Variants in CYB5R4 observed in about 807,000 individuals in gnomAD.
The protein encoded by CYB5R4 is cytochrome b5 reductase 4, also known as N-terminal cytochrome b5 and cytochrome b5 oxidoreductase domain-containing protein.
CYB5R4 carries 55 observed loss-of-function variants against 70.2 expected under a neutral mutation model. That is an observed-to-expected ratio of 0.78 (90% confidence interval 0.63 to 0.98). CYB5R4 has a LOEUF of 0.98. Among genes scored for constraint, CYB5R4 ranks in the 50% least tolerant of loss-of-function variants. The pLI is 0.00. For synonymous variants in CYB5R4, 197 were observed against 199.5 expected (o/e 0.99, Z 0.11); for missense variants, 562 against 612.6 (o/e 0.92, Z 0.87).
At chr6:83,914,771 G>A (rs1392311029) in intron 5 of CYB5R4, among the ~76,000 whole-genome samples, 2 of 151,550 alleles carry the variant, frequency 1.3e-5, no homozygotes, top group Non-Finnish European at 2.9e-5. Context: ...TCCTGACCTC[G>A]TGATCTGCCC....
At chr6:83,908,024 T>A (rs992881748) in intron 3 of CYB5R4, among the ~76,000 whole-genome samples, 4 of 152,220 alleles carry the variant, frequency 2.6e-5, no homozygotes, top group African/African-American at 9.6e-5. Flanking sequence ...AAATGGTAGT[T>A]CTGTTTTTAG....
Position 83,893,676 on chromosome 6 carries a change from A to G in CYB5R4, c.330+54A>G. ...TTCCGGTGGAAGAGTACTCAGATTT[A>G]TCAGTGTGACATTTGTAGAAAGAAA... is the stretch of plus-strand genomic sequence containing the variant. On this transcript the variant is annotated intron_variant, in intron 3 of 15. Coordinates refer to ENST00000369681, the MANE Select transcript of CYB5R4 (RefSeq NM_016230.4). 3.9e-6 allele frequency: 4 copies of G among 1,028,162 alleles called. No individual in the cohort carries two copies. The South Asian group carries it at 4.2e-5, about 11-fold the overall frequency. 63.7% of individuals were successfully genotyped at this position (1,028,162 alleles called of 1,614,324 possible). A position where few individuals can be genotyped will look rare whatever the true frequency, so the allele number is the denominator to read the frequency against.
At chr6:83,877,415 G>A (rs972521052) in intron 2 of CYB5R4, among the ~76,000 whole-genome samples, 3 of 152,008 alleles carry the variant, frequency 2.0e-5, no homozygotes, top group Non-Finnish European at 4.4e-5. Flanking sequence ...AAGACAAAAG[G>A]TTTATTTGAC....
intron 15 of CYB5R4, among the ~76,000 whole-genome samples, chr6:83,959,322 T>G (rs1183138098): frequency 1.3e-5 from 2 of 152,158 alleles, no homozygotes; most frequent in African/African-American, 4.8e-5. Flanking sequence ...GATTTGAACC[T>G]GTGTCTGATC....
At chr6:83,907,808 T>A (rs2099464046) in intron 3 of CYB5R4, among the ~76,000 whole-genome samples, 1 of 152,200 alleles carries the variant, frequency 6.6e-6, no homozygotes, top group Admixed American at 6.5e-5. Flanking sequence ...AGATATAATC[T>A]TGTTCTTTTT....
At chr6:83,882,741 A>G (rs1225703792) in intron 2 of CYB5R4, among the ~76,000 whole-genome samples, 1 of 152,208 alleles carries the variant, frequency 6.6e-6, no homozygotes, top group Non-Finnish European at 1.5e-5. Flanking sequence ...TAATCCCAGC[A>G]GTATGGGAGC....
chr6:83,869,743 A>C (rs2099457277), intron 2 of CYB5R4, among the ~76,000 whole-genome samples: 1 of 151,994 alleles, frequency 6.6e-6, no homozygotes, highest in Admixed American at 6.6e-5. Flanking sequence ...GAATTGCTTG[A>C]ACCCGGGAGT....
chr6:83,880,495 T>A (rs1051486197), intron 2 of CYB5R4, among the ~76,000 whole-genome samples: 2 of 152,196 alleles, frequency 1.3e-5, no homozygotes, highest in African/African-American at 4.8e-5. Flanking sequence ...CTGATTTTTT[T>A]TTTTAAAGAG....
intron 15 of CYB5R4, among the ~76,000 whole-genome samples, chr6:83,956,686 C>T (rs528032819): frequency 2.6e-5 from 4 of 152,190 alleles, no homozygotes; most frequent in African/African-American, 9.6e-5. Context: ...AATTTTCCCC[C>T]ACAAAGGACA....
At chr6:83,878,512 C>T (rs1167970308) in intron 2 of CYB5R4, among the ~76,000 whole-genome samples, 3 of 151,936 alleles carry the variant, frequency 2.0e-5, no homozygotes, top group Non-Finnish European at 4.4e-5. Flanking sequence ...CACGCCTGGC[C>T]AATTTTTGTA....
intron 11 of CYB5R4, 44 bp downstream of exon 11, chr6:83,934,779 A>G (rs1225178291): frequency 1.9e-6 from 3 of 1,550,190 alleles, no homozygotes; most frequent in Non-Finnish European, 1.8e-6. Flanking sequence ...TTCTTTTATA[A>G]GCAGTTCAAA....
At chr6:83,930,098 G>C (rs118044623) in intron 10 of CYB5R4, among the ~76,000 whole-genome samples, 1 of 152,130 alleles carries the variant, frequency 6.6e-6, no homozygotes, top group African/African-American at 2.4e-5. Context: ...TTAAAAAACA[G>C]TATATTACTA....
chr6:83,938,928 G>A lies in CYB5R4; in HGVS notation c.1109-1128G>A, dbSNP rs539624657. ...CGGCTCACTGCAACCTCCGCCTCTC[G>A]GGTTCAAGCGATTCTCCTGCCTCAG... On this transcript the variant is annotated intron_variant, in intron 12 of 15. Coordinates refer to ENST00000369681, the MANE Select transcript of CYB5R4 (RefSeq NM_016230.4). Among the ~76,000 whole-genome samples the A allele has an allele frequency of 7.9e-5, 12 of 151,740 alleles. No individual in the cohort carries two copies. In the South Asian group the frequency reaches 1.3e-3, roughly 16 times the overall value.
At chr6:83,896,369 G>A (rs2099461890) in intron 3 of CYB5R4, among the ~76,000 whole-genome samples, 1 of 152,106 alleles carries the variant, frequency 6.6e-6, no homozygotes, top group Admixed American at 6.6e-5. Flanking sequence ...TCATTAGCCT[G>A]GCATGTGAGG....
chr6:83,868,439 C>T (rs2099457074), intron 2 of CYB5R4, among the ~76,000 whole-genome samples: 1 of 152,082 alleles, frequency 6.6e-6, no homozygotes, highest in South Asian at 2.1e-4. Flanking sequence ...ATAAAAACAG[C>T]ACTTGGCTGA....
intron 3 of CYB5R4, among the ~76,000 whole-genome samples, chr6:83,899,344 CT>C (rs2129135460): frequency 6.6e-6 from 1 of 152,096 alleles, no homozygotes; most frequent in African/African-American, 2.4e-5. Flanking sequence ...AAGCTTTTTG[CT>C]GTGCTGCTGG....
At chr6:83,907,870 G>T (rs1203847356) in intron 3 of CYB5R4, among the ~76,000 whole-genome samples, 1 of 152,052 alleles carries the variant, frequency 6.6e-6, no homozygotes, top group East Asian at 1.9e-4. Flanking sequence ...TCTTTATTCA[G>T]TCTGTCATTT....
intron 2 of CYB5R4, among the ~76,000 whole-genome samples, chr6:83,883,431 A>G (rs2099459766): frequency 6.6e-6 from 1 of 152,192 alleles, no homozygotes. Flanking sequence ...GGCACATCCT[A>G]AACTGCTAAA....
intron 2 of CYB5R4, among the ~76,000 whole-genome samples, chr6:83,879,487 G>A (rs1588561902): frequency 6.6e-6 from 1 of 152,216 alleles, no homozygotes; most frequent in East Asian, 1.9e-4. Flanking sequence ...GACCGGTGGT[G>A]GGAGGCTTTA....
Sources: gnomAD v4.1 joint callset for allele counts (sites outside exome capture counted in the v4.1 genomes callset) on GRCh38, gnomAD v4.1.1 for gene constraint, MANE v1.5 for transcripts, NCBI Gene and HGNC (gene_info 2026-07-23, HGNC 2026-07-21) for gene names.